ASIC2: variants seen among roughly 807,000 people sequenced by gnomAD.
The protein encoded by ASIC2 is acid sensing ion channel subunit 2.
In ASIC2, 25 loss-of-function variants were observed where a neutral mutation model predicts 57.3. The ratio of observed to expected loss-of-function variants is 0.44; its 90% CI spans 0.32 to 0.61. The LOEUF is 0.61. Among genes scored for constraint, ASIC2 ranks in the 20% least tolerant of loss-of-function variants. The pLI, the probability that ASIC2 is intolerant of heterozygous loss-of-function variation, is 0.06. For synonymous variants in ASIC2, 319 were observed against 307.5 expected, an observed-to-expected ratio of 1.04 and a Z score of -0.39; for missense variants, 641 against 738.1, an observed-to-expected ratio of 0.87 and a Z score of 1.52.
intron 3 of ASIC2, among the ~76,000 whole-genome samples, chr17:33,067,266 G>A (rs1013593101): frequency 2.6e-5 from 4 of 152,164 alleles, no homozygotes; most frequent in Non-Finnish European, 4.4e-5. Context: ...TTAATAACTC[G>A]TGTACCAAGG....
chr17:34,086,032 G>A (rs1257458949), intron 1 of ASIC2, among the ~76,000 whole-genome samples: 4 of 151,070 alleles, frequency 2.6e-5, no homozygotes, highest in Non-Finnish European at 1.5e-5. Flanking sequence ...TTGTGTCTCT[G>A]TTTCCTTCAG....
chr17:33,865,474 G>C (rs2141927024), intron 1 of ASIC2, among the ~76,000 whole-genome samples: 1 of 152,174 alleles, frequency 6.6e-6, no homozygotes, highest in East Asian at 1.9e-4. Context: ...TAACATCTTG[G>C]AGCATATATT....
intron 1 of ASIC2, among the ~76,000 whole-genome samples, chr17:33,326,093 T>C (rs1425536310): frequency 6.6e-6 from 1 of 152,238 alleles, no homozygotes; most frequent in Non-Finnish European, 1.5e-5. Flanking sequence ...GGTCTAAATC[T>C]TGGCAGCAAG....
chr17:33,058,951 C>T (rs115601678), intron 3 of ASIC2, among the ~76,000 whole-genome samples: 2,034 of 152,034 alleles, frequency 0.013, 36 homozygotes, highest in African/African-American at 0.044. Context: ...ATTATGCAAT[C>T]GTTAAAATGA....
At chr17:33,327,688 T>G (rs528282615) in intron 1 of ASIC2, among the ~76,000 whole-genome samples, 1 of 152,310 alleles carries the variant, frequency 6.6e-6, no homozygotes, top group Admixed American at 6.5e-5. Flanking sequence ...TAGAAAAGAC[T>G]CCTACTTCAG....
At chr17:33,243,576 C>T (rs757844547) in intron 1 of ASIC2, among the ~76,000 whole-genome samples, 125 of 152,182 alleles carry the variant, frequency 8.2e-4, no homozygotes, top group Non-Finnish European at 8.7e-4. Context: ...AAGCCTGTTT[C>T]GCCATCAGTA....
chr17:33,663,463 T>C (rs1907361754), intron 1 of ASIC2, among the ~76,000 whole-genome samples: 1 of 148,176 alleles, frequency 6.7e-6, no homozygotes, highest in African/African-American at 2.5e-5. Context: ...TTTTTTTTTC[T>C]TCTTCTCCAA....
chr17:34,070,482 G>A (rs923899166), intron 1 of ASIC2: 1 of 152,152 alleles, frequency 6.6e-6, no homozygotes, highest in African/African-American at 2.4e-5. Flanking sequence ...AAAAGGTAAA[G>A]ACAGAAGTCA....
At chr17:33,269,675 C>CTTTTTCTAGTTTGTG (rs1567805250) in intron 1 of ASIC2, among the ~76,000 whole-genome samples, 1 of 71,690 alleles carries the variant, frequency 1.4e-5, no homozygotes, top group African/African-American at 4.9e-5. Flanking sequence ...TCCTTCCTTC[C>CTTTTTCTAGTTTGTG]CTCCCTCCCT....
chr17:33,110,759 A>G (rs1047751758), intron 2 of ASIC2, among the ~76,000 whole-genome samples: 1 of 152,054 alleles, frequency 6.6e-6, no homozygotes, highest in Non-Finnish European at 1.5e-5. Context: ...TCCAAAGTCA[A>G]TGGACTCAAG....
intron 1 of ASIC2, among the ~76,000 whole-genome samples, chr17:33,364,337 T>C (rs1908724344): frequency 6.6e-6 from 1 of 152,114 alleles, no homozygotes; most frequent in South Asian, 2.1e-4. Context: ...CATAACCTTT[T>C]TGAAGACTCA....
chr17:33,828,209 A>G (rs986204904), intron 1 of ASIC2: 4 of 152,232 alleles, frequency 2.6e-5, no homozygotes, highest in African/African-American at 7.2e-5. Flanking sequence ...TTTATACCCA[A>G]AGGATTATAA....
intron 1 of ASIC2, among the ~76,000 whole-genome samples, chr17:33,360,841 C>G (rs949000395): frequency 6.6e-6 from 1 of 152,134 alleles, no homozygotes; most frequent in Non-Finnish European, 1.5e-5. Context: ...TAACTAGAAC[C>G]TGTCTCCTAG....
At chr17:33,145,862 A>AAGGGCAC (rs2142023335) in intron 1 of ASIC2, among the ~76,000 whole-genome samples, 1 of 152,290 alleles carries the variant, frequency 6.6e-6, no homozygotes, top group Non-Finnish European at 1.5e-5. Context: ...AATTGGTGGC[A>AAGGGCAC]AGGGCACAGG....
intron 1 of ASIC2, among the ~76,000 whole-genome samples, chr17:33,195,715 G>A (rs1423153654): frequency 1.3e-5 from 2 of 152,180 alleles, no homozygotes; most frequent in African/African-American, 4.8e-5. Context: ...GGAAACTGAG[G>A]ATCAGAAGGC....
intron 1 of ASIC2, among the ~76,000 whole-genome samples, chr17:34,049,115 T>A (rs944850318): frequency 6.6e-6 from 1 of 151,608 alleles, no homozygotes; most frequent in Non-Finnish European, 1.5e-5. Context: ...CAGGGCAACA[T>A]AGACTGTCCC....
intron 1 of ASIC2, among the ~76,000 whole-genome samples, chr17:33,521,036 A>G (rs530898578): frequency 2.6e-5 from 4 of 151,988 alleles, no homozygotes; most frequent in Admixed American, 6.6e-5. Flanking sequence ...TCTGAATAAT[A>G]ATAATTATTA....
chr17:33,763,388 C>A (rs1411580226), intron 1 of ASIC2, among the ~76,000 whole-genome samples: 1 of 152,214 alleles, frequency 6.6e-6, no homozygotes, highest in Non-Finnish European at 1.5e-5. Context: ...TAGCTCCCAT[C>A]TCTAGCCCTG....
At chr17:34,090,571 GGTCT>G (rs928250606) in intron 1 of ASIC2, among the ~76,000 whole-genome samples, 1 of 152,182 alleles carries the variant, frequency 6.6e-6, no homozygotes, top group Non-Finnish European at 1.5e-5. Flanking sequence ...TACCTTCACA[GGTCT>G]GTCTAGCACA....
Sources: allele counts gnomAD v4.1 joint callset (sites outside exome capture counted in the v4.1 genomes callset), GRCh38; gene constraint gnomAD v4.1.1; transcripts MANE v1.5; gene names NCBI Gene and HGNC (gene_info 2026-07-23, HGNC 2026-07-21).